MRPL34: variants seen among roughly 807,000 people sequenced by gnomAD.
The protein encoded by MRPL34 is mitochondrial ribosomal protein L34.
A neutral mutation model predicts 6.7 loss-of-function variants in MRPL34; 8 were observed. The ratio of observed to expected loss-of-function variants is 1.20; its 90% CI spans 0.70 to 2.16. The LOEUF is 2.16. Among genes scored for constraint, MRPL34 ranks in the 30% most tolerant of loss-of-function variants. The pLI, the probability that MRPL34 is intolerant of heterozygous loss-of-function variation, is 0.00. For missense variants in MRPL34, 146 were observed against 125.5 expected (o/e 1.16, Z -0.78); for synonymous variants, 59 against 55.1 (o/e 1.07, Z -0.31).
chr19:17,301,729 T>A (rs1319862911), upstream of MRPL34: 2 of 1,328,900 alleles, frequency 1.5e-6, no homozygotes, highest in Admixed American at 3.3e-5. Context: ...AGACTCCAGT[T>A]TGGGGAGCGC....
At chr19:17,292,650 C>A (rs1460596462) in exon 1 of MRPL34, 1 of 1,602,782 alleles carries the variant, frequency 6.2e-7, no homozygotes, top group Non-Finnish European at 8.5e-7. Context: ...GATGCCCCGC[C>A]GGCCCAGCGG....
upstream of MRPL34, chr19:17,305,666 C>T: frequency 1.7e-6 from 1 of 585,858 alleles, no homozygotes; most frequent in East Asian, 2.9e-5. Flanking sequence ...AGGCGCCGTT[C>T]GCCGGCTACC....
At chr19:17,298,525 C>T, upstream of MRPL34, 1 of 152,080 alleles carries the variant, frequency 6.6e-6, no homozygotes, top group South Asian at 2.1e-4. Flanking sequence ...TTAACTTAGT[C>T]TAAGGCAGTG....
chr19:17,297,620 T>A (rs2074098654), intron 1 of MRPL34: 1 of 152,116 alleles, frequency 6.6e-6, no homozygotes, highest in Admixed American at 6.6e-5. Flanking sequence ...ATTAGAGGAA[T>A]CATTTCTCAT....
exon 1 of MRPL34, chr19:17,292,646 C>T (rs776816824): frequency 1.2e-6 from 2 of 1,601,038 alleles, no homozygotes; most frequent in African/African-American, 1.3e-5. Flanking sequence ...AAGCGATGCC[C>T]CGCCGGCCCA....
chr19:17,297,135 G>C (rs1210120833), intron 1 of MRPL34, among the ~76,000 whole-genome samples: 1 of 152,260 alleles, frequency 6.6e-6, no homozygotes, highest in Non-Finnish European at 1.5e-5. Flanking sequence ...ACAGACAGGA[G>C]TCAGGCAGAC....
chr19:17,294,209 GC>G, intron 1 of MRPL34: 6 of 1,495,754 alleles, frequency 4.0e-6, no homozygotes, highest in Non-Finnish European at 5.4e-6. Context: ...GCGCTACCAC[GC>G]CCCCCGCAGA....
At chr19:17,304,341 G>C (rs912194830), upstream of MRPL34, among the ~76,000 whole-genome samples, 1 of 152,162 alleles carries the variant, frequency 6.6e-6, no homozygotes, top group African/African-American at 2.4e-5. Flanking sequence ...ACTTTCCTGA[G>C]CCTCCGTTTA....
upstream of MRPL34, among the ~76,000 whole-genome samples, chr19:17,301,808 G>GTGTGTGTT (rs1491251074): frequency 2.1e-5 from 3 of 142,496 alleles, no homozygotes; most frequent in African/African-American, 7.6e-5. Context: ...GTGTGTGTGT[G>GTGTGTGTT]TTTTTGAGAC....
chr19:17,306,118 C>A, intron 1 of MRPL34, 48 bp from the exon 2 acceptor site: 2 of 1,493,750 alleles, frequency 1.3e-6, no homozygotes, highest in South Asian at 2.5e-5. Context: ...GCGCCAAGGT[C>A]ACCCAGCGCC....
chr19:17,306,089 C>T (rs1281891248), intron 1 of MRPL34, 77 bp from the exon 2 acceptor site: 45 of 1,502,782 alleles, frequency 3.0e-5, no homozygotes, highest in Non-Finnish European at 3.8e-5. Flanking sequence ...CTCCGGGAGC[C>T]GAGGCTCAGA....
chr19:17,294,716 G>C (rs764860195), intron 1 of MRPL34: 9 of 1,614,062 alleles, frequency 5.6e-6, no homozygotes. Flanking sequence ...AGCAGTGCAG[G>C]ACGCAGGTGG....
chr19:17,300,397 G>A (rs185370345), upstream of MRPL34, among the ~76,000 whole-genome samples: 20 of 152,106 alleles, frequency 1.3e-4, no homozygotes, highest in East Asian at 2.7e-3. Flanking sequence ...AGAGCTAGGG[G>A]GTTCTCCCTA....
upstream of MRPL34, chr19:17,302,980 G>A (rs1225797635): frequency 2.0e-5 from 3 of 152,252 alleles, no homozygotes; most frequent in Non-Finnish European, 4.4e-5. Flanking sequence ...AGACATACTG[G>A]AGGGGAAGCA....
At chr19:17,297,076 G>C (rs370843255) in intron 1 of MRPL34, among the ~76,000 whole-genome samples, 3 of 152,146 alleles carry the variant, frequency 2.0e-5, no homozygotes, top group Admixed American at 6.5e-5. Flanking sequence ...TTCGCTATCC[G>C]ATCCTTTAAG....
chr19:17,304,208 T>C (rs909075736), upstream of MRPL34, among the ~76,000 whole-genome samples: 3 of 152,188 alleles, frequency 2.0e-5, no homozygotes, highest in East Asian at 1.9e-4. Context: ...GAAGGGCTGA[T>C]AGCAAGAGGC....
intron 1 of MRPL34, 37 bp downstream of exon 1, chr19:17,305,994 A>G: frequency 6.2e-7 from 1 of 1,611,312 alleles, no homozygotes; most frequent in Non-Finnish European, 8.5e-7. Flanking sequence ...AAATCAGGGA[A>G]TAAGGGCGGC....
chr19:17,305,258 T>A (rs2074140287), upstream of MRPL34, among the ~76,000 whole-genome samples: 1 of 150,836 alleles, frequency 6.6e-6, no homozygotes, highest in African/African-American at 2.4e-5. Context: ...TTTTTTTTTT[T>A]TTTGGTTCTA....
chr19:17,300,406 T>C (rs1455913621), upstream of MRPL34, among the ~76,000 whole-genome samples: 1 of 151,982 alleles, frequency 6.6e-6, no homozygotes, highest in African/African-American at 2.4e-5. Context: ...GGGTTCTCCC[T>C]ATGTTGCCCA....
Sources: allele counts gnomAD v4.1 joint callset (sites outside exome capture counted in the v4.1 genomes callset), GRCh38; gene constraint gnomAD v4.1.1; transcripts MANE v1.5; gene names NCBI Gene and HGNC (gene_info 2026-07-23, HGNC 2026-07-21).